The following DIAPH2 variants were observed in gnomAD, a reference collection of about 807,000 sequenced individuals.
DIAPH2 encodes the protein protein diaphanous homolog 2.
Under a neutral mutation model 92.7 loss-of-function variants are expected in DIAPH2, and 35 were observed. The observed-to-expected ratio is 0.38, with a 90% CI of 0.29 to 0.50. The LOEUF (loss-of-function observed/expected upper bound fraction) is 0.50, where lower values mean the gene tolerates loss of function less well. Among genes scored for constraint, DIAPH2 ranks in the 20% least tolerant of loss-of-function variants. DIAPH2 has a pLI of 0.94. For synonymous variants in DIAPH2, 301 were observed against 280.4 expected (o/e 1.07, Z -0.73); for missense variants, 701 against 819.5 (o/e 0.86, Z 1.77).
intron 17 of DIAPH2, among the ~76,000 whole-genome samples, chrX:97,009,227 A>C (rs1317423377): frequency 9.0e-6 from 1 of 110,843 alleles, no homozygotes; most frequent in Non-Finnish European, 1.9e-5. Context: ...TGCAGCAAAT[A>C]CTGCTTGACT....
intron 23 of DIAPH2, among the ~76,000 whole-genome samples, chrX:97,254,085 A>T (rs1226782857): frequency 8.9e-6 from 1 of 111,968 alleles, no homozygotes; most frequent in Non-Finnish European, 1.9e-5. Flanking sequence ...AGGATGAGGA[A>T]TTTGACCATA....
chrX:96,916,691 A>T, intron 8 of DIAPH2, 117 bp downstream of exon 8: 2 of 791,070 alleles, frequency 2.5e-6, no homozygotes, highest in Non-Finnish European at 1.7e-6. Context: ...ATTTTAGATA[A>T]TTTTTGATTG....
chrX:97,364,759 G>GTTTTTTTTTGTTTTTTT (rs1279508605), intron 24 of DIAPH2, among the ~76,000 whole-genome samples: 1 of 56,593 alleles, frequency 1.8e-5, no homozygotes, highest in Admixed American at 2.2e-4. Context: ...GTCTCCTGGT[G>GTTTTTTTTTGTTTTTTT]TTTTTTTTTT....
At chrX:96,725,054 AAC>A (rs768647596) in intron 1 of DIAPH2, among the ~76,000 whole-genome samples, 5 of 112,189 alleles carry the variant, frequency 4.5e-5, no homozygotes, top group African/African-American at 1.6e-4. Flanking sequence ...TGAGAAACAC[AAC>A]AGAGTAGGAG....
At chrX:97,197,971 A>G (rs955989920) in intron 22 of DIAPH2, among the ~76,000 whole-genome samples, 8 of 111,445 alleles carry the variant, frequency 7.2e-5, no homozygotes, top group African/African-American at 2.6e-4. Context: ...GCTATTCAGT[A>G]TTCTAAAGCA....
chrX:97,420,085 ATG>A (rs1345062006), intron 25 of DIAPH2, among the ~76,000 whole-genome samples: 11 of 111,468 alleles, frequency 9.9e-5, no homozygotes, highest in African/African-American at 2.9e-4. Context: ...TATTTATAGA[ATG>A]TGTAATTTTC....
intron 23 of DIAPH2, among the ~76,000 whole-genome samples, chrX:97,318,482 CTTTTTTTTTT>C (rs745350367): frequency 3.5e-4 from 16 of 46,321 alleles, no homozygotes; most frequent in South Asian, 9.8e-4. Flanking sequence ...TTTTTCTTTA[CTTTTTTTTTT>C]TTTTTTTTTT....
At chrX:96,765,857 A>G (rs1239549177) in intron 4 of DIAPH2, among the ~76,000 whole-genome samples, 1 of 110,913 alleles carries the variant, frequency 9.0e-6, no homozygotes, top group African/African-American at 3.3e-5. Context: ...TTCATGCCTT[A>G]TTCTTTAATA....
chrX:97,263,298 C>T (rs1279394526), intron 23 of DIAPH2, among the ~76,000 whole-genome samples: 3 of 111,119 alleles, frequency 2.7e-5, no homozygotes, highest in Admixed American at 1.9e-4. Flanking sequence ...TGCAATAAAA[C>T]GCTGTGAAAC....
intron 4 of DIAPH2, among the ~76,000 whole-genome samples, chrX:96,811,234 T>A (rs1243585842): frequency 1.8e-5 from 2 of 111,684 alleles, no homozygotes; most frequent in African/African-American, 6.5e-5. Flanking sequence ...GTCCTTCACA[T>A]CCCTTGTAAG....
At chrX:97,252,498 T>C (rs1223708447) in intron 23 of DIAPH2, among the ~76,000 whole-genome samples, 1 of 111,815 alleles carries the variant, frequency 8.9e-6, no homozygotes, top group Non-Finnish European at 1.9e-5. Flanking sequence ...TTCACTGCAC[T>C]GCCATTATGT....
At chrX:96,973,201 A>G (rs2065937982) in intron 17 of DIAPH2, among the ~76,000 whole-genome samples, 1 of 112,128 alleles carries the variant, frequency 8.9e-6, no homozygotes, top group African/African-American at 3.2e-5. Context: ...TTTGAAAAAA[A>G]TTAAAAATAT....
intron 26 of DIAPH2, among the ~76,000 whole-genome samples, chrX:97,594,088 G>A (rs1229181227): frequency 2.7e-5 from 3 of 111,114 alleles, no homozygotes; most frequent in Non-Finnish European, 5.7e-5. Context: ...AGATGTAACT[G>A]TCATGTTCCA....
intron 26 of DIAPH2, among the ~76,000 whole-genome samples, chrX:97,494,222 G>A (rs1427886167): frequency 9.2e-6 from 1 of 108,720 alleles, no homozygotes; most frequent in Non-Finnish European, 1.9e-5. Context: ...GGGATGCTGA[G>A]GCAGGAGAAT....
At chrX:97,041,964 TG>T (rs1006111177) in intron 17 of DIAPH2, among the ~76,000 whole-genome samples, 1 of 111,581 alleles carries the variant, frequency 9.0e-6, no homozygotes, top group African/African-American at 3.2e-5. Context: ...TATTATTTTT[TG>T]TAACAGTTTA....
At chrX:97,274,289 C>A (rs2147589160) in intron 23 of DIAPH2, among the ~76,000 whole-genome samples, 1 of 109,746 alleles carries the variant, frequency 9.1e-6, no homozygotes, top group African/African-American at 3.3e-5. Flanking sequence ...GCAGGCAGAT[C>A]ACGAGGTCAG....
At chrX:97,331,287 C>T (rs1325881271) in intron 23 of DIAPH2, among the ~76,000 whole-genome samples, 14 of 111,856 alleles carry the variant, frequency 1.3e-4, no homozygotes, top group East Asian at 5.6e-4. Flanking sequence ...GCTTCTTCCA[C>T]ATAAAGCTAA....
rs761566952 is a variant in DIAPH2 at position 97,599,367 on chromosome X, C to T, written c.*50C>T. 18 of 925,200 alleles carry T rather than the reference C, an allele frequency of 1.9e-5. No individual in the cohort carries two copies. The highest frequency in any genetic ancestry group is 2.7e-5 in the Non-Finnish European group (18 of 660,804). 76.2% of individuals were successfully genotyped at this position (925,200 alleles called of 1,213,427 possible). ...ATATTTAAGTAAAAACAAAATGATG[C>T]ATTTTGAGAAGAACAAAGTGTGCAC... On this transcript the variant is annotated 3_prime_UTR_variant, in exon 27 of 27. Coordinates refer to ENST00000324765, the MANE Select transcript of DIAPH2 (RefSeq NM_006729.5).
At chrX:96,878,623 T>C (rs943222201) in intron 4 of DIAPH2, among the ~76,000 whole-genome samples, 2 of 111,717 alleles carry the variant, frequency 1.8e-5, no homozygotes, top group Non-Finnish European at 3.8e-5. Flanking sequence ...AATTTAAGCT[T>C]GTTTCTAAGA....
Sources: gnomAD v4.1 joint callset for allele counts (sites outside exome capture counted in the v4.1 genomes callset) on GRCh38, gnomAD v4.1.1 for gene constraint, MANE v1.5 for transcripts, NCBI Gene and HGNC (gene_info 2026-07-23, HGNC 2026-07-21) for gene names.